Variants in CADM2 observed in about 807,000 individuals in gnomAD.
CADM2 encodes immunoglobulin superfamily member 4D.
CADM2 carries 12 observed loss-of-function variants against 49.8 expected under a neutral mutation model. That is an observed-to-expected ratio of 0.24 (90% CI 0.15 to 0.39). The LOEUF (loss-of-function observed/expected upper bound fraction) is 0.39, where lower values mean the gene tolerates loss of function less well. Ranked by LOEUF, CADM2 falls within the 10% of genes least tolerant of loss-of-function variation. The probability of loss-of-function intolerance (pLI) is 1.00; values close to 1 mark genes in which losing one functional copy is unlikely to be tolerated. For synonymous variants in CADM2, 214 were observed against 175.4 expected (o/e 1.22, Z -1.74); for missense variants, 378 against 492.3 (o/e 0.77, Z 2.20).
intron 8 of CADM2, among the ~76,000 whole-genome samples, chr3:86,047,038 C>A (rs1426759883): frequency 1.3e-5 from 2 of 151,850 alleles, no homozygotes; most frequent in African/African-American, 4.8e-5. Context: ...AATTTGCAAT[C>A]CCTTTAGATG....
At chr3:85,206,418 C>T (rs1056821324) in intron 1 of CADM2, among the ~76,000 whole-genome samples, 3 of 151,626 alleles carry the variant, frequency 2.0e-5, no homozygotes, top group African/African-American at 7.3e-5. Flanking sequence ...CACCATTCTC[C>T]TGCCTCAGCC....
chr3:85,938,550 A>C (rs1721455226), intron 7 of CADM2, among the ~76,000 whole-genome samples: 1 of 152,118 alleles, frequency 6.6e-6, no homozygotes, highest in Non-Finnish European at 1.5e-5. Context: ...TAAGATAGCC[A>C]TACAAGAGTG....
chr3:85,163,950 C>T (rs778594368), intron 1 of CADM2, among the ~76,000 whole-genome samples: 6 of 152,014 alleles, frequency 3.9e-5, no homozygotes, highest in Admixed American at 6.6e-5. Context: ...TCCCACTACT[C>T]ATTCCCCCCA....
chr3:85,017,161 T>C (rs978885324), intron 1 of CADM2, among the ~76,000 whole-genome samples: 10 of 152,130 alleles, frequency 6.6e-5, no homozygotes, highest in Admixed American at 2.6e-4. Flanking sequence ...CAAAAGCAGT[T>C]GGGAAAAAGC....
intron 8 of CADM2, among the ~76,000 whole-genome samples, chr3:85,971,373 T>TC (rs1726111024): frequency 6.6e-6 from 1 of 151,670 alleles, no homozygotes. Context: ...CCGAAAGTCT[T>TC]CAGTTTTTAG....
chr3:85,354,420 G>T lies in CADM2; in HGVS notation c.62-372102G>T, dbSNP rs536605879. 3.3e-5 allele frequency among the ~76,000 whole-genome samples: 5 copies of T among 150,936 alleles called. No homozygotes were observed. The East Asian group carries it at 9.9e-4, about 30-fold the overall frequency. Reference sequence around the variant, plus strand: ...CTAATGCTAAATGACGAGTTAATGGGTGCAGCACACCAACATGGCACATGT... The same window carrying T: ...CTAATGCTAAATGACGAGTTAATGGTTGCAGCACACCAACATGGCACATGT... On this transcript the variant is annotated intron_variant, in intron 1 of 9. Coordinates refer to ENST00000383699, the MANE Select transcript of CADM2 (RefSeq NM_001167675.2).
intron 1 of CADM2, among the ~76,000 whole-genome samples, chr3:85,021,388 C>T (rs561456578): frequency 1.5e-4 from 23 of 152,260 alleles, no homozygotes; most frequent in African/African-American, 5.3e-4. Context: ...GAGAATGTCA[C>T]CTTTATGAAA....
intron 1 of CADM2, among the ~76,000 whole-genome samples, chr3:85,183,822 A>T (rs1415357476): frequency 6.6e-6 from 1 of 152,128 alleles, no homozygotes; most frequent in South Asian, 2.1e-4. Context: ...TTGTCTTACT[A>T]TTGTGACAGG....
At chr3:86,044,695 G>A (rs956235060) in intron 8 of CADM2, among the ~76,000 whole-genome samples, 6 of 152,086 alleles carry the variant, frequency 3.9e-5, no homozygotes, top group Admixed American at 3.9e-4. Flanking sequence ...ATTTAACCCA[G>A]CCATCCCATT....
chr3:84,962,387 T>C (rs1056771445), intron 1 of CADM2, among the ~76,000 whole-genome samples: 2 of 148,050 alleles, frequency 1.4e-5, no homozygotes, highest in Non-Finnish European at 3.0e-5. Context: ...AGACACATCA[T>C]AGTTTGTTGA....
At chr3:85,372,792 A>G (rs879924571) in intron 1 of CADM2, among the ~76,000 whole-genome samples, 1 of 152,166 alleles carries the variant, frequency 6.6e-6, no homozygotes, top group Non-Finnish European at 1.5e-5. Flanking sequence ...GAGCAAAGGC[A>G]TGTCTTACAC....
intron 1 of CADM2, among the ~76,000 whole-genome samples, chr3:85,622,059 A>G (rs979481902): frequency 2.0e-5 from 3 of 152,254 alleles, no homozygotes; most frequent in African/African-American, 4.8e-5. Flanking sequence ...AATATTAAAA[A>G]TGCAAACAAT....
At chr3:85,032,897 G>A (rs1173603376) in intron 1 of CADM2, among the ~76,000 whole-genome samples, 2 of 152,044 alleles carry the variant, frequency 1.3e-5, no homozygotes, top group Non-Finnish European at 2.9e-5. Context: ...CATGGCAATT[G>A]TGAGAAAATA....
At chr3:85,683,202 T>A (rs1279818705) in intron 1 of CADM2, among the ~76,000 whole-genome samples, 1 of 150,076 alleles carries the variant, frequency 6.7e-6, no homozygotes, top group Non-Finnish European at 1.5e-5. Context: ...AACTTTTATA[T>A]CCCCTGCTCT....
intron 1 of CADM2, among the ~76,000 whole-genome samples, chr3:85,589,595 G>C (rs934477210): frequency 6.6e-6 from 1 of 151,912 alleles, no homozygotes; most frequent in African/African-American, 2.4e-5. Context: ...GTAACACCTG[G>C]ACATACACAT....
chr3:85,840,810 T>C (rs1391928487), intron 3 of CADM2, among the ~76,000 whole-genome samples: 2 of 151,874 alleles, frequency 1.3e-5, no homozygotes, highest in African/African-American at 4.8e-5. Context: ...AATAATTATA[T>C]AAATTTATAT....
intron 1 of CADM2, among the ~76,000 whole-genome samples, chr3:85,177,038 C>T (rs1263503448): frequency 6.6e-6 from 1 of 152,132 alleles, no homozygotes; most frequent in Non-Finnish European, 1.5e-5. Context: ...AGCTCACTCC[C>T]TATCCATAGC....
intron 1 of CADM2, among the ~76,000 whole-genome samples, chr3:85,301,002 A>T (rs2044084437): frequency 6.6e-6 from 1 of 152,228 alleles, no homozygotes; most frequent in South Asian, 2.1e-4. Context: ...CTGGAAAGAA[A>T]TGAATACCAC....
At chr3:86,040,063 C>A (rs764706292) in intron 8 of CADM2, among the ~76,000 whole-genome samples, 1 of 152,076 alleles carries the variant, frequency 6.6e-6, no homozygotes, top group East Asian at 1.9e-4. Context: ...AAAGGACATC[C>A]ACACCGAAAC....
Sources: gnomAD v4.1 joint callset for allele counts (sites outside exome capture counted in the v4.1 genomes callset) on GRCh38, gnomAD v4.1.1 for gene constraint, MANE v1.5 for transcripts, NCBI Gene and HGNC (gene_info 2026-07-23, HGNC 2026-07-21) for gene names.